Variants in CACNA1H observed in about 807,000 individuals in gnomAD.
CACNA1H encodes the protein calcium voltage-gated channel subunit alpha1 H, also known as voltage-dependent T-type calcium channel subunit alpha-1H.
A neutral mutation model predicts 192.5 loss-of-function variants in CACNA1H; 149 were observed. That is an observed-to-expected ratio of 0.77 (90% CI 0.68 to 0.89). CACNA1H has a LOEUF of 0.89. Ranked by LOEUF, CACNA1H falls within the 40% of genes least tolerant of loss-of-function variation. CACNA1H has a pLI of 0.00. For synonymous variants in CACNA1H, 2,202 were observed against 1,475.2 expected (o/e 1.49, Z -11.29); for missense variants, 4,257 against 3,423.5 (o/e 1.24, Z -6.08).
intron 12 of CACNA1H, 96 bp from the exon 13 acceptor site, chr16:1,206,905 C>A: frequency 4.5e-6 from 1 of 220,942 alleles, no homozygotes; most frequent in Non-Finnish European, 9.1e-6. Flanking sequence ...GCCAGTCCTG[C>A]CCCTCCCTCC....
At chr16:1,211,449 G>T (rs773702377) in intron 22 of CACNA1H, 32 bp from the exon 23 acceptor site, 1 of 1,612,098 alleles carries the variant, frequency 6.2e-7, no homozygotes, top group African/African-American at 1.3e-5. Flanking sequence ...GCACAGGCCA[G>T]GCCCTCCGCG....
rs1429803921 is a variant in CACNA1H at position 1,220,182 on chromosome 16, G to GC, written c.6251dup (p.Ala2085GlyfsTer90). On this transcript the variant is annotated frameshift_variant, in exon 35 of 35. Coordinates refer to ENST00000348261, the MANE Select transcript of CACNA1H (RefSeq NM_021098.3). LOFTEE classifies it low-confidence loss of function (END_TRUNC). Reference sequence around the variant, plus strand: ...ACAGCGCTGCGTCTCCAGCCGGCCGGCGGCCCCAGGCGGAGAGGAGGCCGA... The same window carrying GC: ...ACAGCGCTGCGTCTCCAGCCGGCCGGCCGGCCCCAGGCGGAGAGGAGGCCGA... 1.3e-6 allele frequency: 2 copies of GC among 1,520,876 alleles called. No individual in the cohort carries two copies. Among genetic ancestry groups the GC allele is most frequent in the Non-Finnish European group, 1.8e-6 (2 of 1,139,236 alleles). 94.2% of individuals were successfully genotyped at this position (1,520,876 alleles called of 1,614,324 possible).
rs368461019 is a variant in CACNA1H at position 1,211,426 on chromosome 16, G to A, written c.4351-55G>A. The A allele has an allele frequency of 6.1e-5, 99 of 1,610,040 alleles. 1 individual carries two copies. Among genetic ancestry groups the A allele is most frequent in the Admixed American group, 3.3e-4 (20 of 59,916 alleles). On this transcript the variant is annotated intron_variant, in intron 22 of 34. Transcript: ENST00000348261. ...GCCTCACTCGCGCCCCAGGAAGTCC[G>A]GTGTGGGGTGGGGCACAGGCCAGGC...
intron 2 of CACNA1H, among the ~76,000 whole-genome samples, chr16:1,177,851 C>G (rs1965047366): frequency 6.6e-6 from 1 of 151,910 alleles, no homozygotes. Flanking sequence ...CTCCTGACCT[C>G]ACCTCATCCC....
At position 1,202,362 on chromosome 16, in the gene CACNA1H, G is replaced by A. The variant is rs747036748; in HGVS notation, c.1912G>A (p.Gly638Ser). The change falls in exon 9 of 35, where the codon GGT (glycine) becomes AGT (serine). Residue 638 changes from glycine to serine, a missense_variant. Gly to Ser is a moderately conservative substitution (Grantham distance 56, BLOSUM62 0). Coordinates refer to ENST00000348261, the MANE Select transcript of CACNA1H (RefSeq NM_021098.3). ...CCCCGGACCCAAGGGGAAGTGGGCC[G>A]GTGGACCGCCAGGCACCGGGGGGCA... The part of the protein sequence containing the change: ...TSPGPKGKWA[G>S]GPPGTGGHGP... The A allele has an allele frequency of 2.9e-5, 46 of 1,563,190 alleles. No homozygotes were observed. The highest frequency in any genetic ancestry group is 1.7e-4 in the Middle Eastern group (1 of 6,034).
chr16:1,205,363 GTACGACGA>G, intron 11 of CACNA1H, 98 bp downstream of exon 11: 1 of 1,279,338 alleles, frequency 7.8e-7, no homozygotes, highest in Non-Finnish European at 1.1e-6. Context: ...ACAGGAGGAA[GTACGACGA>G]TAGCTCTTTA....
In CACNA1H at chr16:1,200,332, C is replaced by G; in HGVS notation, c.880C>G (p.Arg294Gly). The stretch of plus-strand genomic sequence containing the variant: ...GGAGAACCCGTTCATCTGCTCCTCA[C>G]GCCGAGACAACGGCATGCAGAAGTG... ...GEENPFICSS[R>G]RDNGMQKCSH... is the part of the protein sequence containing the mutation. The change falls in exon 7 of 35, where the codon CGC becomes GGC. Residue 294 changes from arginine to glycine, a missense_variant. Physicochemically the swap from Arg to Gly is moderately radical, Grantham distance 125. Coordinates refer to ENST00000348261, the MANE Select transcript of CACNA1H (RefSeq NM_021098.3). The G allele has an allele frequency of 6.2e-7, 1 of 1,603,848 alleles. No individual in the cohort carries two copies. Among genetic ancestry groups the G allele is most frequent in the South Asian group, 1.1e-5 (1 of 89,746 alleles).
rs575052160 is a variant in CACNA1H, at chr16:1,205,338, A to G, written c.2603+73A>G. On this transcript the variant is annotated intron_variant, in intron 11 of 34. Transcript: ENST00000348261. Reference sequence around the variant, plus strand: ...TCTCTGGCAGAAATCCCACCTGCAGAGCAAAACCCAGAGCACAGGAGGAAG... The same window carrying G: ...TCTCTGGCAGAAATCCCACCTGCAGGGCAAAACCCAGAGCACAGGAGGAAG... The G allele has an allele frequency of 4.6e-4, 674 of 1,450,678 alleles. 1 individual carries two copies. Among genetic ancestry groups the G allele is most frequent in the Middle Eastern group, 4.5e-3 (25 of 5,600 alleles). 89.9% of individuals were successfully genotyped at this position (1,450,678 alleles called of 1,614,324 possible).
Position 1,215,081 on chromosome 16 carries a change from G to GGT in CACNA1H, c.5039+8_5039+9dup. ...GGGTTCCGTCGGTTCTTCAAGGACA[G>GGT]GTGTGTGTGGTGGGGCCGTCTTGGG... On this transcript the variant is annotated frameshift_variant and splice_region_variant. Transcript: ENST00000348261. LOFTEE classifies it high-confidence loss of function. 8 of 1,609,966 alleles carry GGT rather than the reference G, an allele frequency of 5.0e-6. No individual in the cohort carries two copies. Among genetic ancestry groups the GGT allele is most frequent in the East Asian group, 2.2e-5 (1 of 44,758 alleles).
At chr16:1,162,918 C>G (rs1190996003) in intron 2 of CACNA1H, among the ~76,000 whole-genome samples, 5 of 152,226 alleles carry the variant, frequency 3.3e-5, no homozygotes, top group Admixed American at 2.6e-4. Context: ...CCTGGAACGC[C>G]TCTTCTCACG....
Position 1,221,606 on chromosome 16 carries a change from T to A in CACNA1H, c.*612T>A, listed in dbSNP as rs978744808. On this transcript the variant is annotated 3_prime_UTR_variant, in exon 35 of 35. Coordinates refer to ENST00000348261, the MANE Select transcript of CACNA1H (RefSeq NM_021098.3). Reference sequence around the variant, plus strand: ...GCCCGGCCCCGATGCGAATCAGGCCTCCCCTACATCTGGGGGCGTTGGCCG... The same window carrying A: ...GCCCGGCCCCGATGCGAATCAGGCCACCCCTACATCTGGGGGCGTTGGCCG... The A allele has an allele frequency of 4.5e-6, 3 of 672,088 alleles. No individual in the cohort carries two copies. The highest frequency in any genetic ancestry group is 7.3e-6 in the Non-Finnish European group (3 of 410,460). The allele number at this position is 672,088 out of a possible 1,614,324, so 41.6% of individuals were successfully genotyped here.
At position 1,207,330 on chromosome 16, in the gene CACNA1H, C is replaced by T; in HGVS notation, c.2963C>T (p.Ser988Phe). 2 of 1,611,428 alleles carry T rather than the reference C, an allele frequency of 1.2e-6. No homozygotes were observed. Among genetic ancestry groups the T allele is most frequent in the Non-Finnish European group, 1.7e-6 (2 of 1,179,062 alleles). ...CTGTACAACGGCATGGCCTCCACCT[C>T]CTCCTGGGCCGCCCTCTACTTCGTG... is the stretch of plus-strand genomic sequence containing the variant. ...VVLYNGMAST[S>F]SWAALYFVAL... is the part of the protein sequence containing the mutation. Residue 988 changes from serine (S) to phenylalanine (F), a missense_variant, in exon 14 of 35, where the codon TCC (serine) becomes TTC (phenylalanine). Physicochemically the swap from Ser to Phe is radical, Grantham distance 155 (BLOSUM62 -2). Transcript: ENST00000348261.
At chr16:1,160,690 C>T (rs968294786) in intron 2 of CACNA1H, among the ~76,000 whole-genome samples, 3 of 152,248 alleles carry the variant, frequency 2.0e-5, no homozygotes, top group East Asian at 1.9e-4. Context: ...TTGGCGGGGC[C>T]GTGAGAGCCC....
rs375934557 is a variant in CACNA1H at position 1,200,634 on chromosome 16, GC to G, written c.1119+71del. 252 of 1,580,616 alleles carry G rather than the reference GC, an allele frequency of 1.6e-4. No individual in the cohort carries two copies. The African/African-American group carries it at 2.1e-3, about 13-fold the overall frequency. On this transcript the variant is annotated intron_variant, in intron 7 of 34. Transcript: ENST00000348261. ...CGGCAGGGGAGCGGGTGCAGGACTC[GC>G]CCCCCCCAGCCCAGACCCCAGGGGC...
chr16:1,163,234 C>T (rs1963408305), intron 2 of CACNA1H, among the ~76,000 whole-genome samples: 1 of 152,238 alleles, frequency 6.6e-6, no homozygotes, highest in African/African-American at 2.4e-5. Context: ...CCCTGGTGCC[C>T]GTCTGCAGGG....
In CACNA1H at chr16:1,202,013, CCAT is replaced by C; in HGVS notation, c.1566_1568del (p.His528del). On this transcript the variant is annotated inframe_deletion, in exon 9 of 35. Coordinates refer to ENST00000348261, the MANE Select transcript of CACNA1H (RefSeq NM_021098.3). ...CGGTGCACCACCTGGTCTACCACCA[CCAT>C]CACCACCACCACCACCACTACCATT... 3.3e-6 allele frequency: 5 copies of C among 1,538,160 alleles called. No homozygotes were observed. Among genetic ancestry groups the C allele is most frequent in the South Asian group, 1.2e-5 (1 of 83,880 alleles).
intron 2 of CACNA1H, among the ~76,000 whole-genome samples, chr16:1,174,076 C>G (rs1363937374): frequency 1.3e-5 from 2 of 152,230 alleles, no homozygotes; most frequent in Non-Finnish European, 2.9e-5. Flanking sequence ...ATACGGGGAG[C>G]TGTCACCTAG....
chr16:1,179,420 G>A (rs1274746817), intron 2 of CACNA1H, among the ~76,000 whole-genome samples: 1 of 152,144 alleles, frequency 6.6e-6, no homozygotes, highest in African/African-American at 2.4e-5. Context: ...CGACCGAGCC[G>A]CTGCTGAGTG....
Position 1,167,287 on chromosome 16 carries a change from G to C in CACNA1H, c.299+13251G>C, listed in dbSNP as rs143702996. ...TCCCGGTGGGTGGGGCTTGCCGGCC[G>C]CCCGCGAATGTCAGGAACCTTGGAT... On this transcript the variant is annotated intron_variant, in intron 2 of 34. Transcript: ENST00000348261. This position sits in a 1 kb window ranked among gnomAD's most constrained non-coding sequence, Gnocchi z 4.2. Among the ~76,000 whole-genome samples the C allele has an allele frequency of 6.6e-6, 1 of 152,138 alleles. No homozygotes were observed. The highest frequency in any genetic ancestry group is 2.4e-5 in the African/African-American group (1 of 41,426).
Sources: gnomAD v4.1 joint callset for allele counts (sites outside exome capture counted in the v4.1 genomes callset) on GRCh38, gnomAD v4.1.1 for gene constraint, Gnocchi (gnomAD v3.1) non-coding constraint, MANE v1.5 for transcripts, NCBI Gene and HGNC (gene_info 2026-07-23, HGNC 2026-07-21) for gene names.